SGCD: variants seen among roughly 807,000 people sequenced by gnomAD.
The protein encoded by SGCD is sarcoglycan delta.
SGCD carries 18 observed loss-of-function variants against 36.6 expected under a neutral mutation model. The ratio of observed to expected loss-of-function variants is 0.49; its 90% CI spans 0.34 to 0.73. SGCD has a LOEUF of 0.73. Ranked by LOEUF, SGCD falls within the 30% of genes least tolerant of loss-of-function variation. The probability of loss-of-function intolerance (pLI) is 0.01; values close to 1 mark genes in which losing one functional copy is unlikely to be tolerated. For missense variants in SGCD, 387 were observed against 346.7 expected, an observed-to-expected ratio of 1.12 and a Z score of -0.92; for synonymous variants, 133 against 130.6, an observed-to-expected ratio of 1.02 and a Z score of -0.12.
chr5:156,596,834 T>C (rs1169374176), intron 6 of SGCD, among the ~76,000 whole-genome samples: 1 of 152,156 alleles, frequency 6.6e-6, no homozygotes, highest in Admixed American at 6.5e-5. Flanking sequence ...AATGCACGCA[T>C]ATGTACATGT....
intron 4 of SGCD, among the ~76,000 whole-genome samples, chr5:156,529,253 C>A (rs1226718205): frequency 6.6e-6 from 1 of 151,822 alleles, no homozygotes; most frequent in Non-Finnish European, 1.5e-5. Context: ...GGTCAAACCC[C>A]GTCTCTACTA....
At chr5:156,640,386 TG>T (rs757211790) in intron 6 of SGCD, among the ~76,000 whole-genome samples, 1 of 131,402 alleles carries the variant, frequency 7.6e-6, no homozygotes, top group Non-Finnish European at 1.9e-5. Flanking sequence ...TTTGCCCCCT[TG>T]AAGATAACAT....
chr5:156,332,334 T>A (rs1214647798), intron 2 of SGCD, among the ~76,000 whole-genome samples: 1 of 152,216 alleles, frequency 6.6e-6, no homozygotes, highest in Non-Finnish European at 1.5e-5. Flanking sequence ...AATGTTGATC[T>A]TCTAGAAAAA....
rs75247202 is a variant in SGCD, at chr5:156,283,736, A to T, written c.-43-45798A>T. Among the ~76,000 whole-genome samples, 849 of 152,296 alleles carry T rather than the reference A, an allele frequency of 5.6e-3. 2 individuals are homozygous for T. Among genetic ancestry groups the T allele is most frequent in the African/African-American group, 0.018 (755 of 41,568 alleles). On this transcript the variant is annotated intron_variant, in intron 3 of 9. Coordinates refer to the SGCD transcript ENST00000517913. ...TTCCGGACCCATTCCTAGAGTTCTG[A>T]CTCAGTAGATCTGGGGTTATGCCCA...
intron 7 of SGCD, among the ~76,000 whole-genome samples, chr5:156,744,308 G>A (rs1756841505): frequency 1.3e-5 from 2 of 152,186 alleles, no homozygotes; most frequent in Non-Finnish European, 2.9e-5. Flanking sequence ...TACTCTTTTT[G>A]TGCTGGAAAA....
intron 3 of SGCD, among the ~76,000 whole-genome samples, chr5:156,428,650 C>T (rs1461661110): frequency 6.6e-6 from 1 of 152,002 alleles, no homozygotes; most frequent in Non-Finnish European, 1.5e-5. Context: ...TGTGATCTTT[C>T]AGACTTTTGA....
intron 3 of SGCD, among the ~76,000 whole-genome samples, chr5:156,272,991 G>C (rs1472547592): frequency 1.3e-5 from 2 of 152,172 alleles, no homozygotes; most frequent in Non-Finnish European, 2.9e-5. Flanking sequence ...AAAAATGTTT[G>C]CTGGCCCCTA....
chr5:156,473,318 A>G (rs1196936860), intron 3 of SGCD, among the ~76,000 whole-genome samples: 7 of 152,182 alleles, frequency 4.6e-5, no homozygotes, highest in African/African-American at 1.4e-4. Flanking sequence ...TCCCAACAAA[A>G]CTATCATACG....
At chr5:156,337,422 C>T (rs999092282) in intron 2 of SGCD, among the ~76,000 whole-genome samples, 5 of 152,144 alleles carry the variant, frequency 3.3e-5, no homozygotes, top group Admixed American at 1.3e-4. Context: ...TTTCTCTACT[C>T]GTTAGAACCT....
In SGCD at chr5:156,023,960, A is replaced by T. The variant is rs1759166618; in HGVS notation, c.-281-93918A>T. Among the ~76,000 whole-genome samples, 6 of 152,314 alleles carry T rather than the reference A, an allele frequency of 3.9e-5. No homozygotes were observed. In the South Asian group the frequency reaches 1.0e-3, roughly 26 times the overall value. On this transcript the variant is annotated intron_variant, in intron 1 of 9. Transcript: ENST00000517913. The stretch of plus-strand genomic sequence containing the variant: ...TTCTGATTGGAATCCAGTGTCGAGC[A>T]TCCCTGTCAGAAAGGCTCTTAGGAC...
At chr5:156,232,548 A>G (rs1765045353) in intron 3 of SGCD, among the ~76,000 whole-genome samples, 1 of 152,202 alleles carries the variant, frequency 6.6e-6, no homozygotes, top group South Asian at 2.1e-4. Flanking sequence ...TGAGAAACTA[A>G]TGGTAATAAC....
At chr5:156,008,635 C>G (rs1204348023) in intron 1 of SGCD, among the ~76,000 whole-genome samples, 1 of 152,154 alleles carries the variant, frequency 6.6e-6, no homozygotes, top group East Asian at 1.9e-4. Context: ...CTCAGCCTCT[C>G]AAAGCATTAG....
intron 3 of SGCD, among the ~76,000 whole-genome samples, chr5:156,468,724 G>A (rs1754822276): frequency 6.6e-6 from 1 of 152,204 alleles, no homozygotes; most frequent in Non-Finnish European, 1.5e-5. Flanking sequence ...GTGTGTGGTG[G>A]CTCATGCCTG....
At chr5:156,547,715 T>C (rs1758637914) in intron 4 of SGCD, among the ~76,000 whole-genome samples, 1 of 152,112 alleles carries the variant, frequency 6.6e-6, no homozygotes, top group African/African-American at 2.4e-5. Flanking sequence ...GTGCTGGGAT[T>C]ACAGGCACGA....
intron 3 of SGCD, among the ~76,000 whole-genome samples, chr5:156,452,388 C>G (rs996469944): frequency 2.6e-5 from 4 of 152,130 alleles, no homozygotes; most frequent in Admixed American, 2.6e-4. Flanking sequence ...TCTCTCTGAC[C>G]ACATTCTCCT....
At chr5:156,541,471 A>G (rs1034345418) in intron 4 of SGCD, among the ~76,000 whole-genome samples, 2 of 152,160 alleles carry the variant, frequency 1.3e-5, no homozygotes, top group Admixed American at 1.3e-4. Flanking sequence ...GTTGAGAAAT[A>G]TTTTAGAGGT....
At chr5:155,980,795 C>G (rs1458406018) in intron 1 of SGCD, among the ~76,000 whole-genome samples, 1 of 151,702 alleles carries the variant, frequency 6.6e-6, no homozygotes, top group African/African-American at 2.4e-5. Context: ...ATAATTCTCC[C>G]AAAGAAACAC....
chr5:156,145,953 C>CAT (rs1315883715), intron 3 of SGCD, among the ~76,000 whole-genome samples: 7 of 152,290 alleles, frequency 4.6e-5, no homozygotes, highest in South Asian at 2.1e-4. Flanking sequence ...GTGGCTCATG[C>CAT]CTGTAATACC....
At chr5:156,254,146 T>C (rs529482914) in intron 3 of SGCD, among the ~76,000 whole-genome samples, 1 of 152,362 alleles carries the variant, frequency 6.6e-6, no homozygotes, top group African/African-American at 2.4e-5. Context: ...AATACACTGA[T>C]AATAGGCACT....
Sources: gnomAD v4.1 joint callset for allele counts (sites outside exome capture counted in the v4.1 genomes callset) on GRCh38, gnomAD v4.1.1 for gene constraint, MANE v1.5 for transcripts, NCBI Gene and HGNC (gene_info 2026-07-23, HGNC 2026-07-21) for gene names.